The following HS3ST3A1 variants were observed in gnomAD, a reference collection of about 807,000 sequenced individuals.
HS3ST3A1 encodes heparan sulfate-glucosamine 3-sulfotransferase 3A1.
A neutral mutation model predicts 25.7 loss-of-function variants in HS3ST3A1; 19 were observed. The ratio of observed to expected loss-of-function variants is 0.74; its 90% CI spans 0.52 to 1.08. The LOEUF is 1.08. HS3ST3A1 is among the 50% of genes least tolerant of loss of function. HS3ST3A1 has a pLI of 0.00. For missense variants in HS3ST3A1, 459 were observed against 594.3 expected, an observed-to-expected ratio of 0.77 and a Z score of 2.37; for synonymous variants, 226 against 278.6, an observed-to-expected ratio of 0.81 and a Z score of 1.88.
At chr17:13,518,976 T>C (rs540612226) in intron 1 of HS3ST3A1, among the ~76,000 whole-genome samples, 3 of 152,352 alleles carry the variant, frequency 2.0e-5, no homozygotes, top group South Asian at 4.1e-4. Context: ...TTATGAAGCA[T>C]TATTTTAGCC....
At chr17:13,555,444 C>T (rs6502282) in intron 1 of HS3ST3A1, among the ~76,000 whole-genome samples, 61,956 of 151,994 alleles carry the variant, frequency 0.41, 14,036 homozygotes, top group Middle Eastern at 0.52. Flanking sequence ...TGGTGTTCAA[C>T]TAGGAGCCTG....
At chr17:13,546,256 T>A (rs1441485700) in intron 1 of HS3ST3A1, among the ~76,000 whole-genome samples, 1 of 152,168 alleles carries the variant, frequency 6.6e-6, no homozygotes, top group African/African-American at 2.4e-5. Context: ...TTATCATGTT[T>A]CTTTTTTCTT....
chr17:13,542,214 C>T (rs1378746972), intron 1 of HS3ST3A1, among the ~76,000 whole-genome samples: 1 of 151,654 alleles, frequency 6.6e-6, no homozygotes, highest in Non-Finnish European at 1.5e-5. Context: ...GCAGTCCCAG[C>T]TACTTGGGAG....
At position 13,523,264 on chromosome 17, in the gene HS3ST3A1, G is replaced by A. The variant is rs1906305683; in HGVS notation, c.600-26446C>T. ...GGCCATATAGTTGTGTGGAAAGTGG[G>A]TGAAATAACAAGGAAACGACAAAGA... On this transcript the variant is annotated intron_variant, in intron 1 of 1. Transcript: ENST00000284110. Among the ~76,000 whole-genome samples, 3 of 152,182 alleles carry A rather than the reference G, an allele frequency of 2.0e-5. No individual in the cohort carries two copies. The South Asian group carries it at 6.2e-4, about 32-fold the overall frequency.
intron 1 of HS3ST3A1, among the ~76,000 whole-genome samples, chr17:13,541,817 T>A (rs1038266094): frequency 6.6e-6 from 1 of 152,188 alleles, no homozygotes; most frequent in African/African-American, 2.4e-5. Context: ...GAAGTTCAGA[T>A]GGTTCACACA....
chr17:13,537,681 A>C (rs991587033), intron 1 of HS3ST3A1, among the ~76,000 whole-genome samples: 1 of 152,234 alleles, frequency 6.6e-6, no homozygotes, highest in Non-Finnish European at 1.5e-5. Flanking sequence ...TCACATGAGT[A>C]ATTGGATCCT....
intron 1 of HS3ST3A1, among the ~76,000 whole-genome samples, chr17:13,568,198 T>A (rs1907722423): frequency 6.6e-6 from 1 of 152,252 alleles, no homozygotes; most frequent in Non-Finnish European, 1.5e-5. Flanking sequence ...TGATCATTAG[T>A]ACTTTGTTAG....
At position 13,601,923 on chromosome 17, in the gene HS3ST3A1, C is replaced by G. The variant is rs1908762364; in HGVS notation, c.-794G>C. ...GCTCACCGGCTGCCTCCTGGGCCGC[C>G]GCTGGCCGCCGCCACACGTGGGACG... On this transcript the variant is annotated 5_prime_UTR_variant, in exon 1 of 2. Transcript: ENST00000284110. 2.6e-4 allele frequency: 1 copy of G among 3,818 alleles called. No homozygotes were observed. The highest frequency in any genetic ancestry group is 7.1e-4 in the Non-Finnish European group (1 of 1,404). The allele number at this position is 3,818 out of a possible 1,614,324, so 0.2% of individuals were successfully genotyped here.
Position 13,499,305 on chromosome 17 carries a change from A to T in HS3ST3A1, c.600-2487T>A, listed in dbSNP as rs9899269. Among the ~76,000 whole-genome samples, 1,229 of 152,156 alleles carry T rather than the reference A, an allele frequency of 8.1e-3. 22 individuals are homozygous for T. Among genetic ancestry groups the T allele is most frequent in the African/African-American group, 0.028 (1,158 of 41,496 alleles). ...CCAGCCTAATATAAAAGCTTATGTTACTCTTGTCTAAGGTGAGCCAGGAGA... is the reference window on the plus strand; with the variant it reads ...CCAGCCTAATATAAAAGCTTATGTTTCTCTTGTCTAAGGTGAGCCAGGAGA... On this transcript the variant is annotated intron_variant, in intron 1 of 1. Transcript: ENST00000284110.
intron 1 of HS3ST3A1, among the ~76,000 whole-genome samples, chr17:13,585,494 C>A (rs1485186276): frequency 6.8e-6 from 1 of 147,352 alleles, no homozygotes; most frequent in Non-Finnish European, 1.5e-5. Context: ...GCCAGTGCAC[C>A]TGGCCCTATT....
At chr17:13,594,845 G>T (rs1908531438) in intron 1 of HS3ST3A1, among the ~76,000 whole-genome samples, 1 of 151,622 alleles carries the variant, frequency 6.6e-6, no homozygotes, top group Admixed American at 6.6e-5. Flanking sequence ...ACAAGCTTTT[G>T]TTGCTGCTGT....
At chr17:13,580,249 A>T (rs1214443689) in intron 1 of HS3ST3A1, among the ~76,000 whole-genome samples, 3 of 152,166 alleles carry the variant, frequency 2.0e-5, no homozygotes. Context: ...ATTAAAAAAA[A>T]TAAAAAGAAC....
intron 1 of HS3ST3A1, among the ~76,000 whole-genome samples, chr17:13,585,125 G>T (rs1394643452): frequency 2.2e-5 from 3 of 134,672 alleles, no homozygotes; most frequent in Admixed American, 8.0e-5. Context: ...AACTTTGAAA[G>T]AACTATACCA....
At chr17:13,510,467 C>G (rs368744702) in intron 1 of HS3ST3A1, among the ~76,000 whole-genome samples, 8 of 152,078 alleles carry the variant, frequency 5.3e-5, no homozygotes, top group African/African-American at 1.9e-4. Context: ...CATATTTTGG[C>G]GATGGTGGTT....
In HS3ST3A1 at chr17:13,496,203, A is replaced by G. The variant is rs1905259553; in HGVS notation, c.1215T>C (p.Asp405=). ...YQMTGHDFGW[D]G is the part of the protein sequence containing the mutation. Reference sequence around the variant, plus strand: ...TTCTTTTTAAATTATATGGTTATCCATCCCAGCCAAAGTCGTGCCCGGTCA... The same window carrying G: ...TTCTTTTTAAATTATATGGTTATCCGTCCCAGCCAAAGTCGTGCCCGGTCA... Residue 405 remains aspartate (D), a synonymous_variant, in exon 2 of 2, where the codon GAT becomes GAC. Coordinates refer to ENST00000284110, the MANE Select transcript of HS3ST3A1 (RefSeq NM_006042.3). 6.2e-7 allele frequency: 1 copy of G among 1,600,932 alleles called. No homozygotes were observed. The highest frequency in any genetic ancestry group is 1.3e-5 in the African/African-American group (1 of 74,316).
chr17:13,567,009 G>A (rs1907692533), intron 1 of HS3ST3A1, among the ~76,000 whole-genome samples: 2 of 152,194 alleles, frequency 1.3e-5, no homozygotes, highest in Admixed American at 6.5e-5. Context: ...AGAAGAAGAT[G>A]CCATGTAGGA....
At chr17:13,518,771 G>A (rs879940497) in intron 1 of HS3ST3A1, among the ~76,000 whole-genome samples, 15 of 152,174 alleles carry the variant, frequency 9.9e-5, no homozygotes, top group Non-Finnish European at 2.1e-4. Context: ...GCCCTCCCTA[G>A]GTCAGCCTTC....
chr17:13,600,371 A>T (rs1908686179), intron 1 of HS3ST3A1, among the ~76,000 whole-genome samples, 160 bp downstream of exon 1: 1 of 152,122 alleles, frequency 6.6e-6, no homozygotes, highest in East Asian at 1.9e-4. Flanking sequence ...ACTTCCCAGG[A>T]AGGAGAAGGC....
At chr17:13,513,599 G>A (rs964222108) in intron 1 of HS3ST3A1, among the ~76,000 whole-genome samples, 5 of 152,088 alleles carry the variant, frequency 3.3e-5, no homozygotes, top group African/African-American at 4.8e-5. Context: ...CAATTATATT[G>A]TGCACACACT....
Sources: allele counts gnomAD v4.1 joint callset (sites outside exome capture counted in the v4.1 genomes callset), GRCh38; gene constraint gnomAD v4.1.1; transcripts MANE v1.5; gene names NCBI Gene and HGNC (gene_info 2026-07-23, HGNC 2026-07-21).